The following TMTC2 variants were observed in gnomAD, a reference collection of about 807,000 sequenced individuals.
The protein encoded by TMTC2 is transmembrane O-mannosyltransferase targeting cadherins 2, also known as protein O-mannosyl-transferase TMTC2.
A neutral mutation model predicts 82.4 loss-of-function variants in TMTC2; 43 were observed. The ratio of observed to expected loss-of-function variants is 0.52; its 90% confidence interval spans 0.41 to 0.67. The LOEUF (loss-of-function observed/expected upper bound fraction) is 0.67. TMTC2 is among the 30% of genes least tolerant of loss of function. The pLI is 0.00. For missense variants in TMTC2, 919 were observed against 1,012.4 expected, an observed-to-expected ratio of 0.91 and a Z score of 1.25; for synonymous variants, 408 against 381.9, an observed-to-expected ratio of 1.07 and a Z score of -0.80.
At chr12:82,893,369 C>CAAAAA (rs71443447) in intron 2 of TMTC2, among the ~76,000 whole-genome samples, 4 of 122,652 alleles carry the variant, frequency 3.3e-5, no homozygotes, top group East Asian at 2.4e-4. Context: ...GACTCTATCT[C>CAAAAA]AAAAAAAAAA....
intron 11 of TMTC2, among the ~76,000 whole-genome samples, chr12:83,066,966 G>C (rs1882940807): frequency 6.6e-6 from 1 of 151,946 alleles, no homozygotes; most frequent in South Asian, 2.1e-4. Context: ...GGATAGAGAT[G>C]TGGGAGTCAT....
chr12:82,985,835 C>G, intron 7 of TMTC2, 90 bp from the exon 8 acceptor site: 1 of 1,457,062 alleles, frequency 6.9e-7, no homozygotes, highest in South Asian at 1.4e-5. Context: ...AAATTCCACG[C>G]AGTATGATGA....
intron 11 of TMTC2, among the ~76,000 whole-genome samples, chr12:83,072,510 G>T (rs945493634): frequency 6.6e-5 from 10 of 152,104 alleles, no homozygotes; most frequent in Non-Finnish European, 1.5e-4. Flanking sequence ...GTATATATCT[G>T]TTAAGTCCAT....
At chr12:82,804,020 G>A (rs1052665817) in intron 1 of TMTC2, among the ~76,000 whole-genome samples, 7 of 151,926 alleles carry the variant, frequency 4.6e-5, no homozygotes, top group East Asian at 1.9e-4. Context: ...ATTCATCTCC[G>A]GCAGTTTAGA....
chr12:82,947,977 C>A (rs1184472515), intron 4 of TMTC2, among the ~76,000 whole-genome samples: 1 of 152,158 alleles, frequency 6.6e-6, no homozygotes, highest in Admixed American at 6.5e-5. Context: ...ATGCCTATGG[C>A]AATGAATTGC....
At chr12:83,065,012 T>G (rs1314701773) in intron 11 of TMTC2, among the ~76,000 whole-genome samples, 3 of 151,920 alleles carry the variant, frequency 2.0e-5, no homozygotes, top group Non-Finnish European at 4.4e-5. Context: ...ATTTTTCTTC[T>G]AAAGCATTTT....
intron 1 of TMTC2, among the ~76,000 whole-genome samples, chr12:82,849,228 C>A (rs1366376174): frequency 6.6e-6 from 1 of 152,064 alleles, no homozygotes; most frequent in Non-Finnish European, 1.5e-5. Context: ...CTATTTAGTT[C>A]AGTTTAACAA....
At chr12:82,725,492 A>C (rs886549875) in intron 1 of TMTC2, among the ~76,000 whole-genome samples, 2 of 152,212 alleles carry the variant, frequency 1.3e-5, no homozygotes, top group Non-Finnish European at 2.9e-5. Context: ...TCATAAAAAG[A>C]AAAATAAAAT....
chr12:82,729,764 C>T (rs1428358450), intron 1 of TMTC2, among the ~76,000 whole-genome samples: 1 of 152,198 alleles, frequency 6.6e-6, no homozygotes, highest in Non-Finnish European at 1.5e-5. Flanking sequence ...GGGCCGTTTT[C>T]CGTGCTGTGG....
At chr12:83,101,292 T>A (rs1884207888) in intron 11 of TMTC2, among the ~76,000 whole-genome samples, 1 of 152,192 alleles carries the variant, frequency 6.6e-6, no homozygotes. Flanking sequence ...TTTCTTCAAG[T>A]AAGTATTGAT....
At chr12:82,880,172 G>A (rs1207961184) in intron 2 of TMTC2, among the ~76,000 whole-genome samples, 1 of 152,152 alleles carries the variant, frequency 6.6e-6, no homozygotes, top group Admixed American at 6.5e-5. Flanking sequence ...GATCCTTACT[G>A]TAAAATTTCT....
chr12:83,128,299 G>T (rs1428423450), intron 11 of TMTC2, among the ~76,000 whole-genome samples: 1 of 152,006 alleles, frequency 6.6e-6, no homozygotes, highest in South Asian at 2.1e-4. Context: ...GAGTTAGGTA[G>T]ACTTTGAGTC....
In TMTC2 at chr12:82,770,241, A is replaced by G. The variant is rs577005825; in HGVS notation, c.83+82572A>G. 4.6e-5 allele frequency among the ~76,000 whole-genome samples: 7 copies of G among 152,302 alleles called. No individual in the cohort carries two copies. In the South Asian group the frequency reaches 1.4e-3, roughly 32 times the overall value. On this transcript the variant is annotated intron_variant, in intron 1 of 11. Transcript: ENST00000321196. ...CCATTTAATATAATATGACTGTGGT[A>G]TATGGTTAGACAATTAAATTTCATA...
intron 1 of TMTC2, among the ~76,000 whole-genome samples, chr12:82,764,873 A>G (rs969398782): frequency 1.3e-5 from 2 of 151,122 alleles, no homozygotes; most frequent in African/African-American, 4.9e-5. Flanking sequence ...GACATAGACA[A>G]ATAGGGCAGA....
At chr12:82,999,566 A>C in intron 8 of TMTC2, among the ~76,000 whole-genome samples, 1 of 152,214 alleles carries the variant, frequency 6.6e-6, no homozygotes, top group East Asian at 1.9e-4. Flanking sequence ...AGGCCACAAA[A>C]TCATGGCGGA....
At chr12:82,943,203 T>G (rs1876818073) in intron 4 of TMTC2, among the ~76,000 whole-genome samples, 1 of 152,202 alleles carries the variant, frequency 6.6e-6, no homozygotes, top group East Asian at 1.9e-4. Context: ...AATCACAAGT[T>G]TGTTTGACAA....
intron 1 of TMTC2, among the ~76,000 whole-genome samples, chr12:82,839,172 A>G (rs1354992162): frequency 6.6e-6 from 1 of 152,170 alleles, no homozygotes; most frequent in East Asian, 1.9e-4. Flanking sequence ...AGAGAGTTGT[A>G]CTACAGTTTT....
At chr12:82,906,777 G>C (rs542213845) in intron 3 of TMTC2, among the ~76,000 whole-genome samples, 84 of 152,266 alleles carry the variant, frequency 5.5e-4, no homozygotes, top group Non-Finnish European at 1.1e-3. Flanking sequence ...TGTTGAAACT[G>C]ACTGGCCTGA....
Position 82,889,163 on chromosome 12 carries a change from G to C in TMTC2, c.655-6655G>C, listed in dbSNP as rs531537241. ...GTGGTGGCACACATCTGTAATCCCA[G>C]CTACTCGAGAGGCTGAGGCAGGAGA... On this transcript the variant is annotated intron_variant, in intron 2 of 11. Coordinates refer to ENST00000321196, the MANE Select transcript of TMTC2 (RefSeq NM_152588.3). Among the ~76,000 whole-genome samples, 37 of 151,680 alleles carry C rather than the reference G, an allele frequency of 2.4e-4. No individual in the cohort carries two copies. The East Asian group carries it at 6.6e-3, about 27-fold the overall frequency.
Sources: gnomAD v4.1 joint callset for allele counts (sites outside exome capture counted in the v4.1 genomes callset) on GRCh38, gnomAD v4.1.1 for gene constraint, MANE v1.5 for transcripts, NCBI Gene and HGNC (gene_info 2026-07-23, HGNC 2026-07-21) for gene names.